The following SCMH1 variants were observed in gnomAD, a reference collection of about 807,000 sequenced individuals.
SCMH1 encodes the protein Scm polycomb group protein homolog 1.
In SCMH1, 37 loss-of-function variants were observed where a neutral mutation model predicts 70.8. That is an observed-to-expected ratio of 0.52 (90% confidence interval 0.40 to 0.69). SCMH1 has a LOEUF of 0.69. SCMH1 is among the 30% of genes least tolerant of loss of function. The probability of loss-of-function intolerance (pLI) is 0.00; values close to 1 mark genes in which losing one functional copy is unlikely to be tolerated. For synonymous variants in SCMH1, 292 were observed against 307.4 expected, an observed-to-expected ratio of 0.95 and a Z score of 0.52; for missense variants, 607 against 827.3, an observed-to-expected ratio of 0.73 and a Z score of 3.27.
intron 2 of SCMH1, among the ~76,000 whole-genome samples, chr1:41,175,647 A>G (rs1028551178): frequency 6.6e-6 from 1 of 152,132 alleles, no homozygotes; most frequent in Non-Finnish European, 1.5e-5. Flanking sequence ...TTCATACTCA[A>G]TTAAGGGTGC....
At chr1:41,235,008 G>T (rs1374737643) in intron 1 of SCMH1, among the ~76,000 whole-genome samples, 1 of 151,914 alleles carries the variant, frequency 6.6e-6, no homozygotes, top group Non-Finnish European at 1.5e-5. Context: ...CAAACTCCTG[G>T]GCTCAAGAGA....
At position 41,168,028 on chromosome 1, in the gene SCMH1, A is replaced by G. The variant is rs566497117; in HGVS notation, c.14-6596T>C. On this transcript the variant is annotated intron_variant, in intron 2 of 14. Coordinates refer to ENST00000337495, the Ensembl canonical transcript of SCMH1. ...CCTTAGGGTGGTTCCCTTACATATG[A>G]CAATTCACTTTTCCCTTGCTGTTTT... 4.6e-5 allele frequency among the ~76,000 whole-genome samples: 7 copies of G among 151,044 alleles called. No individual in the cohort carries two copies. In the East Asian group the frequency reaches 1.4e-3, roughly 29 times the overall value.
intron 10 of SCMH1, among the ~76,000 whole-genome samples, chr1:41,054,319 A>G: frequency 6.6e-6 from 1 of 152,202 alleles, no homozygotes; most frequent in Non-Finnish European, 1.5e-5. Context: ...ATTTCCAGAC[A>G]AAGTAATGAA....
intron 8 of SCMH1, among the ~76,000 whole-genome samples, chr1:41,088,820 T>G (rs1662486676): frequency 6.6e-6 from 1 of 152,206 alleles, no homozygotes; most frequent in Non-Finnish European, 1.5e-5. Flanking sequence ...CTGAAACTTA[T>G]TTTATGTGTA....
chr1:41,049,505 C>CTCCACCTCCCGGGT (rs1647244750), intron 10 of SCMH1, among the ~76,000 whole-genome samples: 1 of 151,792 alleles, frequency 6.6e-6, no homozygotes, highest in South Asian at 2.1e-4. Flanking sequence ...GGCGTGGTGG[C>CTCCACCTCCCGGGT]TCACGCCTGT....
chr1:41,156,514 T>C (rs1483983800), intron 4 of SCMH1, among the ~76,000 whole-genome samples: 1 of 152,142 alleles, frequency 6.6e-6, no homozygotes, highest in Non-Finnish European at 1.5e-5. Context: ...ACACAGCTAA[T>C]TGCAGCCTTG....
intron 6 of SCMH1, among the ~76,000 whole-genome samples, chr1:41,122,557 T>C (rs994415777): frequency 2.0e-5 from 3 of 152,218 alleles, no homozygotes; most frequent in Non-Finnish European, 2.9e-5. Context: ...ATTTATTAAA[T>C]GGGTGCCAAG....
At chr1:41,152,555 T>C in intron 4 of SCMH1, 1 of 1,601,232 alleles carries the variant, frequency 6.2e-7, no homozygotes, top group Non-Finnish European at 8.5e-7. Context: ...TCAAGTTCTT[T>C]ATTTAAAGGT....
At chr1:41,208,766 A>G (rs1426297198) in intron 1 of SCMH1, among the ~76,000 whole-genome samples, 3 of 152,214 alleles carry the variant, frequency 2.0e-5, no homozygotes, top group African/African-American at 7.2e-5. Context: ...AATACCCACA[A>G]GAGAAAGCAG....
chr1:41,048,907 A>G lies in SCMH1; in HGVS notation c.1106-17T>C. ...AGATACAAACTATGGGAGACAAAGA[A>G]TCAAAGAAGCTTCAAGAGTCTCTGG... On this transcript the variant is annotated splice_polypyrimidine_tract_variant and intron_variant, in intron 10 of 14. Transcript: ENST00000337495. 6.3e-7 allele frequency: 1 copy of G among 1,599,494 alleles called. No individual in the cohort carries two copies.
At chr1:41,179,015 C>A (rs547289791) in intron 2 of SCMH1, among the ~76,000 whole-genome samples, 1 of 152,136 alleles carries the variant, frequency 6.6e-6, no homozygotes, top group Non-Finnish European at 1.5e-5. Flanking sequence ...TGTAAAAGAT[C>A]AGAAATTATA....
intron 6 of SCMH1, among the ~76,000 whole-genome samples, chr1:41,140,515 T>C (rs1643957948): frequency 2.0e-5 from 3 of 152,004 alleles, no homozygotes; most frequent in African/African-American, 7.2e-5. Flanking sequence ...ATGATCTCGA[T>C]CTCCTGACCT....
At chr1:41,114,759 C>T (rs890764581) in intron 7 of SCMH1, among the ~76,000 whole-genome samples, 7 of 152,090 alleles carry the variant, frequency 4.6e-5, no homozygotes, top group African/African-American at 1.7e-4. Context: ...TCACTGCAAC[C>T]TCTGCCTCCC....
chr1:41,057,045 T>C lies in SCMH1; in HGVS notation c.1106-8155A>G, dbSNP rs572727325. 4.9e-4 allele frequency among the ~76,000 whole-genome samples: 74 copies of C among 152,148 alleles called. 1 individual carries two copies. The South Asian group carries it at 0.015, about 31-fold the overall frequency. ...AGGAGAAATAACCAACTCCAGCCAA[T>C]GCTAGCCTTCCATTCGGGAGAAGAG... On this transcript the variant is annotated intron_variant, in intron 10 of 14. Transcript: ENST00000337495.
intron 4 of SCMH1, chr1:41,159,862 A>C: frequency 7.7e-7 from 1 of 1,299,886 alleles, no homozygotes; most frequent in Non-Finnish European, 9.9e-7. Context: ...ATAATCCTCC[A>C]AAGTTGAAAA....
chr1:41,061,924 T>C (rs1305983705), intron 10 of SCMH1, among the ~76,000 whole-genome samples: 1 of 152,142 alleles, frequency 6.6e-6, no homozygotes. Flanking sequence ...GAGTACAGTG[T>C]TGTGATCTTG....
chr1:41,028,356 G>T, intron 14 of SCMH1, 37 bp from the exon 16 acceptor site: 1 of 1,610,726 alleles, frequency 6.2e-7, no homozygotes, highest in South Asian at 1.1e-5. Flanking sequence ...TGGAAGGGAG[G>T]CACCATCAGA....
At chr1:41,076,249 A>AT (rs1658253486) in intron 8 of SCMH1, among the ~76,000 whole-genome samples, 1 of 152,104 alleles carries the variant, frequency 6.6e-6, no homozygotes. Flanking sequence ...CCACCTCCTT[A>AT]TTGAGGACTT....
chr1:41,053,916 C>G (rs1649233699), intron 10 of SCMH1, among the ~76,000 whole-genome samples: 1 of 151,840 alleles, frequency 6.6e-6, no homozygotes, highest in African/African-American at 2.4e-5. Context: ...GTGATCTCGG[C>G]TCACTGCAAG....
Sources: allele counts gnomAD v4.1 joint callset (sites outside exome capture counted in the v4.1 genomes callset), GRCh38; gene constraint gnomAD v4.1.1; transcripts MANE v1.5; gene names NCBI Gene and HGNC (gene_info 2026-07-23, HGNC 2026-07-21).